BBOX1: variants seen among roughly 807,000 people sequenced by gnomAD.
BBOX1 encodes the protein gamma-butyrobetaine dioxygenase.
In BBOX1, 35 loss-of-function variants were observed where a neutral mutation model predicts 41.6. The ratio of observed to expected loss-of-function variants is 0.84; its 90% CI spans 0.64 to 1.11. BBOX1 has a LOEUF of 1.11. BBOX1 is among the 50% of genes most tolerant of loss of function. The probability of loss-of-function intolerance (pLI) is 0.00; values close to 1 mark genes in which losing one functional copy is unlikely to be tolerated. For missense variants in BBOX1, 458 were observed against 460.6 expected (o/e 0.99, Z 0.05); for synonymous variants, 163 against 154.7 (o/e 1.05, Z -0.40).
At chr11:27,074,500 C>T (rs999670415) in intron 4 of BBOX1, among the ~76,000 whole-genome samples, 9 of 152,038 alleles carry the variant, frequency 5.9e-5, no homozygotes, top group African/African-American at 1.9e-4. Context: ...CTGAGGTAGT[C>T]TCAGATGGAG....
intron 4 of BBOX1, among the ~76,000 whole-genome samples, chr11:27,061,171 T>C (rs1857123410): frequency 1.3e-5 from 2 of 152,206 alleles, no homozygotes; most frequent in Non-Finnish European, 2.9e-5. Flanking sequence ...CTTAAGCTTT[T>C]AAGCATTGTA....
At chr11:27,126,891 G>A (rs753332971) in intron 8 of BBOX1, among the ~76,000 whole-genome samples, 1 of 152,020 alleles carries the variant, frequency 6.6e-6, no homozygotes, top group East Asian at 1.9e-4. Flanking sequence ...AGCCAGGATG[G>A]TCTAGATCTG....
intron 4 of BBOX1, among the ~76,000 whole-genome samples, chr11:27,073,787 T>A (rs1198998083): frequency 1.3e-5 from 2 of 152,066 alleles, no homozygotes; most frequent in Non-Finnish European, 2.9e-5. Flanking sequence ...CTGGAAACCA[T>A]CATTCTCAGC....
At chr11:27,122,146 T>C (rs893814274) in intron 7 of BBOX1, among the ~76,000 whole-genome samples, 3 of 152,192 alleles carry the variant, frequency 2.0e-5, no homozygotes, top group Admixed American at 2.0e-4. Flanking sequence ...TATGTCCTAG[T>C]ACAAAAATGT....
Position 27,093,244 on chromosome 11 carries a change from A to G in BBOX1, c.411A>G (p.Ala137=). Residue 137 remains alanine, a synonymous_variant, in exon 5 of 9, where the codon GCA becomes GCG. Transcript: ENST00000263182. ...FEDVLRYDEH[A]YKWLSTLKKV... is the part of the protein sequence containing the mutation. ...ATGTTTTAAGATATGATGAACACGC[A>G]TACAAGTGGCTCTCCACCCTCAAGA... 6.2e-7 allele frequency: 1 copy of G among 1,612,540 alleles called. No homozygotes were observed. The highest frequency in any genetic ancestry group is 1.1e-5 in the South Asian group (1 of 91,038).
At chr11:27,120,570 T>C (rs1344058314) in intron 7 of BBOX1, among the ~76,000 whole-genome samples, 1 of 152,146 alleles carries the variant, frequency 6.6e-6, no homozygotes, top group African/African-American at 2.4e-5. Flanking sequence ...GAACATTTTG[T>C]ATTCTCCCTT....
At chr11:27,046,500 C>T (rs1851492888) in intron 2 of BBOX1, among the ~76,000 whole-genome samples, 2 of 151,630 alleles carry the variant, frequency 1.3e-5, no homozygotes. Context: ...GAAACCTATC[C>T]CATCAGATAA....
At chr11:27,046,250 A>T (rs538870054) in intron 2 of BBOX1, 1 of 152,304 alleles carries the variant, frequency 6.6e-6, no homozygotes, top group African/African-American at 2.4e-5. Flanking sequence ...AGTGCTGAAG[A>T]ATCAGGAGAC....
intron 2 of BBOX1, among the ~76,000 whole-genome samples, chr11:27,047,740 T>G (rs564004930): frequency 1.8e-4 from 28 of 152,152 alleles, no homozygotes; most frequent in Non-Finnish European, 3.2e-4. Flanking sequence ...CTACTTCTGT[T>G]TTTTGGGGTA....
At chr11:27,098,173 T>G (rs2134054731) in intron 5 of BBOX1, among the ~76,000 whole-genome samples, 1 of 152,076 alleles carries the variant, frequency 6.6e-6, no homozygotes, top group South Asian at 2.1e-4. Context: ...TTTCTTGCCC[T>G]TTTCACTTGA....
chr11:27,058,388 A>G (rs1460701142), intron 4 of BBOX1, among the ~76,000 whole-genome samples: 1 of 152,226 alleles, frequency 6.6e-6, no homozygotes, highest in Non-Finnish European at 1.5e-5. Flanking sequence ...AGAACAAACT[A>G]ATACAGAAAA....
At position 27,119,689 on chromosome 11, in the gene BBOX1, G is replaced by C; in HGVS notation, c.680G>C (p.Gly227Ala). 1 of 1,567,086 alleles carries C rather than the reference G, an allele frequency of 6.4e-7. No individual in the cohort carries two copies. Among genetic ancestry groups the C allele is most frequent in the South Asian group, 1.2e-5 (1 of 82,238 alleles). The stretch of plus-strand genomic sequence containing the variant: ...TGCATAAAGCAAACAGTCACAGGGG[G>C]TGATTCAGAAATTGTAGATGGGTTT... ...LHCIKQTVTG[G>A]DSEIVDGFNV... Residue 227 changes from glycine (G) to alanine (A), a missense_variant, in exon 7 of 9, where the codon GGT becomes GCT. By Grantham distance (60) the Gly-to-Ala change is moderately conservative. Coordinates refer to ENST00000263182, the MANE Select transcript of BBOX1 (RefSeq NM_003986.3).
intron 4 of BBOX1, among the ~76,000 whole-genome samples, chr11:27,067,394 C>A (rs1857319945): frequency 6.6e-6 from 1 of 151,976 alleles, no homozygotes; most frequent in Non-Finnish European, 1.5e-5. Context: ...ACTTCTGAGT[C>A]TCCAAAGTCC....
intron 4 of BBOX1, among the ~76,000 whole-genome samples, chr11:27,066,159 G>C (rs1405947462): frequency 6.6e-6 from 1 of 152,176 alleles, no homozygotes; most frequent in South Asian, 2.1e-4. Context: ...TTTCCTTAGT[G>C]AATGACGAGC....
rs555454326 is a variant in BBOX1, at chr11:27,055,538, C to T, written c.108C>T (p.Asp36=). The T allele has an allele frequency of 1.5e-5, 25 of 1,614,138 alleles. No homozygotes were observed. The South Asian group carries it at 2.3e-4, about 15-fold the overall frequency. ...TCTACCCAGCTGTATGGTTGAGAGA[C>T]AACTGTCCGTGCTCTGATTGCTACC... The part of the protein sequence containing the change: ...ESLYPAVWLR[D]NCPCSDCYLD... Residue 36 remains aspartate, a synonymous_variant, in exon 3 of 9, where the codon GAC becomes GAT. Transcript: ENST00000263182.
intron 4 of BBOX1, among the ~76,000 whole-genome samples, chr11:27,071,306 T>C (rs1857438955): frequency 6.6e-6 from 1 of 150,592 alleles, no homozygotes; most frequent in African/African-American, 2.4e-5. Context: ...GGCATGAACC[T>C]GGGAGGCAGA....
intron 5 of BBOX1, among the ~76,000 whole-genome samples, chr11:27,100,286 A>G (rs1858600669): frequency 6.6e-6 from 1 of 152,184 alleles, no homozygotes; most frequent in African/African-American, 2.4e-5. Context: ...AGAGAAAGAA[A>G]AAACAAGTTT....
intron 4 of BBOX1, among the ~76,000 whole-genome samples, chr11:27,068,950 A>G (rs1857366059): frequency 6.6e-6 from 1 of 152,108 alleles, no homozygotes; most frequent in Admixed American, 6.5e-5. Context: ...TTTATATAGT[A>G]CCATGCTGTT....
intron 3 of BBOX1, among the ~76,000 whole-genome samples, chr11:27,056,265 T>C (rs925593721): frequency 6.6e-6 from 1 of 152,156 alleles, no homozygotes; most frequent in Non-Finnish European, 1.5e-5. Context: ...TACTTTTATT[T>C]ATTTATTTTT....
Sources: gnomAD v4.1 joint callset for allele counts (sites outside exome capture counted in the v4.1 genomes callset) on GRCh38, gnomAD v4.1.1 for gene constraint, MANE v1.5 for transcripts, NCBI Gene and HGNC (gene_info 2026-07-23, HGNC 2026-07-21) for gene names.